CYFIP2: variants seen among roughly 807,000 people sequenced by gnomAD.
CYFIP2 encodes the protein cytoplasmic FMR1-interacting protein 2.
Under a neutral mutation model 158.7 loss-of-function variants are expected in CYFIP2, and 29 were observed. The observed-to-expected ratio is 0.18, with a 90% CI of 0.14 to 0.25. The LOEUF is 0.25. CYFIP2 is among the 10% of genes least tolerant of loss of function. The probability of loss-of-function intolerance (pLI) is 1.00; values close to 1 mark genes in which losing one functional copy is unlikely to be tolerated. For synonymous variants in CYFIP2, 585 were observed against 617.6 expected, an observed-to-expected ratio of 0.95 and a Z score of 0.78; for missense variants, 852 against 1,639.5, an observed-to-expected ratio of 0.52 and a Z score of 8.29.
Position 157,324,049 on chromosome 5 carries a change from C to T in CYFIP2, c.1800C>T (p.Phe600=). The T allele has an allele frequency of 6.2e-7, 1 of 1,613,562 alleles. No homozygotes were observed. The highest frequency in any genetic ancestry group is 2.2e-5 in the East Asian group (1 of 44,882). ...AGGACTTTCACAAACAGTCCTTCTTCTTCACACATCTGCTCAACATCAGTG... is the reference window on the plus strand; with the variant it reads ...AGGACTTTCACAAACAGTCCTTCTTTTTCACACATCTGCTCAACATCAGTG... ...AIEDFHKQSF[F]FTHLLNISEA... The change falls in exon 16 of 31, where the codon TTC becomes TTT. Residue 600 remains phenylalanine, a synonymous_variant. Coordinates refer to ENST00000620254, the MANE Select transcript of CYFIP2 (RefSeq NM_001037333.3).
chr5:157,382,810 AG>A (rs1286160815), intron 27 of CYFIP2, 148 bp downstream of exon 27: 1 of 827,706 alleles, frequency 1.2e-6, no homozygotes. Flanking sequence ...ACAAATTGGA[AG>A]ATGGACCTAG....
intron 23 of CYFIP2, among the ~76,000 whole-genome samples, chr5:157,346,755 C>T (rs2113284590): frequency 6.6e-6 from 1 of 152,336 alleles, no homozygotes; most frequent in East Asian, 1.9e-4. Context: ...GAAACAGCCC[C>T]AGAGTTCCTC....
In CYFIP2 at chr5:157,361,272, T is replaced by C. The variant is rs999555857; in HGVS notation, c.2909-196T>C. On this transcript the variant is annotated intron_variant, in intron 25 of 30. Coordinates refer to ENST00000620254, the MANE Select transcript of CYFIP2 (RefSeq NM_001037333.3). This position sits in a 1 kb window ranked among gnomAD's most constrained non-coding sequence, Gnocchi z 4.4. ...GCGTGTGTGTGTTCTGAAAAAGACA[T>C]GAGCCAGCTACTCGAACTTTGTCCA... 6.8e-6 allele frequency: 4 copies of C among 586,816 alleles called. No individual in the cohort carries two copies. Among genetic ancestry groups the C allele is most frequent in the African/African-American group, 5.7e-5 (3 of 52,752 alleles). 36.4% of individuals were successfully genotyped at this position (586,816 alleles called of 1,614,324 possible).
intron 28 of CYFIP2, chr5:157,384,924 A>G (rs1309677633): frequency 6.9e-6 from 1 of 144,858 alleles, no homozygotes. Flanking sequence ...TGGGCAACAG[A>G]GCAAGACTCC....
chr5:157,320,642 C>T lies in CYFIP2; in HGVS notation c.1524-13C>T. On this transcript the variant is annotated splice_polypyrimidine_tract_variant and intron_variant, in intron 14 of 30. Coordinates refer to ENST00000620254, the MANE Select transcript of CYFIP2 (RefSeq NM_001037333.3). ...GTGAAACCTGGTCTAAGTCTTAGTT[C>T]TTCCTTCCCCAGCGTCCTACAGGCA... is the stretch of plus-strand genomic sequence containing the variant. 1 of 1,613,822 alleles carries T rather than the reference C, an allele frequency of 6.2e-7. No individual in the cohort carries two copies. Among genetic ancestry groups the T allele is most frequent in the Non-Finnish European group, 8.5e-7 (1 of 1,179,800 alleles).
At chr5:157,342,895 G>T (rs746587472) in intron 23 of CYFIP2, 6 of 1,613,734 alleles carry the variant, frequency 3.7e-6, no homozygotes, top group African/African-American at 1.3e-5. Flanking sequence ...TAGCGGGTGG[G>T]TCACCACCCC....
At chr5:157,333,737 A>C (rs1463887771) in intron 21 of CYFIP2, among the ~76,000 whole-genome samples, 3 of 152,320 alleles carry the variant, frequency 2.0e-5, no homozygotes, top group Middle Eastern at 3.4e-3. Context: ...CAAGTAGGTG[A>C]GGGGTCCTAA....
intron 4 of CYFIP2, among the ~76,000 whole-genome samples, chr5:157,296,036 C>CA (rs958687101): frequency 3.9e-5 from 6 of 152,134 alleles, no homozygotes; most frequent in African/African-American, 9.7e-5. Context: ...AGAGTGCGGA[C>CA]AGGGGAAAGA....
intron 25 of CYFIP2, 72 bp downstream of exon 25, chr5:157,360,444 G>T: frequency 7.6e-7 from 1 of 1,314,312 alleles, no homozygotes; most frequent in Non-Finnish European, 1.1e-6. Context: ...ACCTTAGAGC[G>T]TTTGCTTCTC....
chr5:157,392,666 C>T (rs1767427632), intron 30 of CYFIP2, among the ~76,000 whole-genome samples, 167 bp from the exon 31 acceptor site: 1 of 152,106 alleles, frequency 6.6e-6, no homozygotes, highest in Non-Finnish European at 1.5e-5. Flanking sequence ...TTTTACGGTC[C>T]AGTTAACACT....
At chr5:157,278,907 C>A (rs1756772192) in intron 1 of CYFIP2, among the ~76,000 whole-genome samples, 1 of 152,194 alleles carries the variant, frequency 6.6e-6, no homozygotes, top group South Asian at 2.1e-4. Context: ...CTGCCTTAAT[C>A]CTTACAAAAA....
At chr5:157,330,239 AAT>A (rs1761338602) in intron 19 of CYFIP2, among the ~76,000 whole-genome samples, 1 of 113,368 alleles carries the variant, frequency 8.8e-6, no homozygotes, top group African/African-American at 3.3e-5. Context: ...TGAGATTTAA[AAT>A]GTGTGTGTGT....
chr5:157,339,357 A>G, intron 22 of CYFIP2, 101 bp downstream of exon 22: 1 of 1,067,198 alleles, frequency 9.4e-7, no homozygotes, highest in Non-Finnish European at 1.4e-6. Flanking sequence ...GGTTCCTGCA[A>G]CAGGTGTCTC....
At chr5:157,339,313 C>T (rs1186832891) in intron 22 of CYFIP2, 57 bp downstream of exon 22, 2 of 1,508,250 alleles carry the variant, frequency 1.3e-6, no homozygotes, top group Non-Finnish European at 1.8e-6. Context: ...TGGCCAGCTG[C>T]CTCCTCCAAA....
chr5:157,284,113 G>A (rs1323531932), intron 1 of CYFIP2, among the ~76,000 whole-genome samples: 4 of 152,010 alleles, frequency 2.6e-5, no homozygotes, highest in South Asian at 4.1e-4. Flanking sequence ...TACTGTTAAC[G>A]TTTTATTTTG....
At position 157,361,359 on chromosome 5, in the gene CYFIP2, C is replaced by G. The variant is rs1044401353; in HGVS notation, c.2909-109C>G. The G allele has an allele frequency of 3.9e-5, 58 of 1,471,950 alleles. No homozygotes were observed. Among genetic ancestry groups the G allele is most frequent in the Non-Finnish European group, 5.3e-5 (57 of 1,074,636 alleles). The allele number at this position is 1,471,950 out of a possible 1,614,324, so 91.2% of individuals were successfully genotyped here. A position where few individuals can be genotyped will look rare whatever the true frequency, so the allele number is the denominator to read the frequency against. Reference sequence around the variant, plus strand: ...CAGGTAAGAGGGATGCGTGGTTTGGCTTTTTGCTATCCCAGAGTCAGGTCT... The same window carrying G: ...CAGGTAAGAGGGATGCGTGGTTTGGGTTTTTGCTATCCCAGAGTCAGGTCT... On this transcript the variant is annotated intron_variant, in intron 25 of 30. Coordinates refer to ENST00000620254, the MANE Select transcript of CYFIP2 (RefSeq NM_001037333.3). This position sits in a 1 kb window ranked among gnomAD's most constrained non-coding sequence, Gnocchi z 4.4.
intron 26 of CYFIP2, among the ~76,000 whole-genome samples, chr5:157,368,903 T>G (rs1232108713): frequency 1.9e-4 from 6 of 31,634 alleles, no homozygotes; most frequent in African/African-American, 3.4e-4. Context: ...TGTTTTTTTG[T>G]TTTTTTTTTT....
intron 29 of CYFIP2, 22 bp downstream of exon 29, chr5:157,389,449 C>G (rs769683719): frequency 2.6e-6 from 4 of 1,539,738 alleles, no homozygotes; most frequent in Non-Finnish European, 2.6e-6. Context: ...CCAGAGAAGG[C>G]AGGGTTACCC....
At chr5:157,322,038 G>A (rs1031228571) in intron 15 of CYFIP2, among the ~76,000 whole-genome samples, 4 of 152,168 alleles carry the variant, frequency 2.6e-5, no homozygotes, top group Non-Finnish European at 5.9e-5. Flanking sequence ...AGGAGAGGAA[G>A]GAGTATTTGT....
Sources: gnomAD v4.1 joint callset for allele counts (sites outside exome capture counted in the v4.1 genomes callset) on GRCh38, gnomAD v4.1.1 for gene constraint, Gnocchi (gnomAD v3.1) non-coding constraint, MANE v1.5 for transcripts, NCBI Gene and HGNC (gene_info 2026-07-23, HGNC 2026-07-21) for gene names.